The following PRORP variants were observed in gnomAD, a reference collection of about 807,000 sequenced individuals.
PRORP encodes protein only RNase P catalytic subunit, also known as mitochondrial ribonuclease P catalytic subunit.
Under a neutral mutation model 59.4 loss-of-function variants are expected in PRORP, and 51 were observed. That is an observed-to-expected ratio of 0.86 (90% CI 0.69 to 1.08). PRORP has a LOEUF of 1.08. PRORP is among the 50% of genes least tolerant of loss of function. PRORP has a pLI of 0.00. For synonymous variants in PRORP, 231 were observed against 245.6 expected (o/e 0.94, Z 0.55); for missense variants, 646 against 690.3 (o/e 0.94, Z 0.72).
intron 4 of PRORP, among the ~76,000 whole-genome samples, chr14:35,170,788 GAT>G (rs2048295172): frequency 6.6e-6 from 1 of 151,658 alleles, no homozygotes; most frequent in South Asian, 2.1e-4. Flanking sequence ...GTTTTCATCT[GAT>G]ATTATTTCCC....
At chr14:35,209,584 C>T (rs2139163329) in intron 5 of PRORP, among the ~76,000 whole-genome samples, 1 of 152,250 alleles carries the variant, frequency 6.6e-6, no homozygotes, top group African/African-American at 2.4e-5. Flanking sequence ...CAGGGTCTCG[C>T]TCTGTTGCCC....
At chr14:35,209,214 A>T (rs2415277) in intron 5 of PRORP, among the ~76,000 whole-genome samples, 123,399 of 151,652 alleles carry the variant, frequency 0.81, 50,227 homozygotes, top group Admixed American at 0.85. Context: ...TACCGTCTTT[A>T]TTATAGTAAC....
chr14:35,225,552 G>C (rs552043677), intron 5 of PRORP, among the ~76,000 whole-genome samples: 33 of 152,138 alleles, frequency 2.2e-4, no homozygotes, highest in African/African-American at 7.9e-4. Flanking sequence ...TCACCATGGT[G>C]ACCAGGCTGG....
chr14:35,255,116 A>G (rs2050716877), intron 5 of PRORP, among the ~76,000 whole-genome samples: 1 of 152,040 alleles, frequency 6.6e-6, no homozygotes, highest in Admixed American at 6.6e-5. Flanking sequence ...GGTTAGAGAT[A>G]ACTGTGTTTG....
intron 5 of PRORP, among the ~76,000 whole-genome samples, chr14:35,225,424 A>G (rs544727058): frequency 1.7e-3 from 261 of 151,558 alleles, no homozygotes; most frequent in Non-Finnish European, 2.5e-3. Context: ...TCGGCTCACT[A>G]CAACCTCTGC....
chr14:35,170,224 T>G (rs146606907), intron 4 of PRORP, among the ~76,000 whole-genome samples: 2 of 152,304 alleles, frequency 1.3e-5, no homozygotes, highest in African/African-American at 4.8e-5. Flanking sequence ...ATAGCATTTT[T>G]TATAAGGTTG....
At chr14:35,250,763 A>T (rs2050593579) in intron 5 of PRORP, among the ~76,000 whole-genome samples, 1 of 152,124 alleles carries the variant, frequency 6.6e-6, no homozygotes, top group South Asian at 2.1e-4. Flanking sequence ...AAAGAGGGAG[A>T]TATTGCCAGA....
At chr14:35,168,844 TTTCTTCTAG>T (rs2048246703) in intron 4 of PRORP, among the ~76,000 whole-genome samples, 1 of 152,162 alleles carries the variant, frequency 6.6e-6, no homozygotes, top group Non-Finnish European at 1.5e-5. Flanking sequence ...ATTTTCCTGT[TTTCTTCTAG>T]AATTTTCATA....
At chr14:35,266,200 C>T (rs1362779122) in intron 5 of PRORP, among the ~76,000 whole-genome samples, 3 of 151,920 alleles carry the variant, frequency 2.0e-5, no homozygotes, top group African/African-American at 7.2e-5. Flanking sequence ...GCCTGTAATC[C>T]CAGCTACTTG....
intron 4 of PRORP, chr14:35,158,962 G>A: frequency 2.9e-6 from 1 of 346,078 alleles, no homozygotes; most frequent in Non-Finnish European, 5.6e-6. Flanking sequence ...TGATTCTCTG[G>A]ATACTTGATT....
intron 5 of PRORP, among the ~76,000 whole-genome samples, chr14:35,224,513 A>C (rs2049882305): frequency 6.6e-6 from 1 of 152,192 alleles, no homozygotes; most frequent in Non-Finnish European, 1.5e-5. Flanking sequence ...CTAAGGTCTC[A>C]CAGCTAGTAA....
At chr14:35,129,272 C>G (rs537434782) in intron 4 of PRORP, among the ~76,000 whole-genome samples, 2 of 152,066 alleles carry the variant, frequency 1.3e-5, no homozygotes, top group South Asian at 2.1e-4. Flanking sequence ...GATATAGGCA[C>G]TTATAGCTGC....
chr14:35,206,106 G>A (rs182190331), intron 5 of PRORP, among the ~76,000 whole-genome samples: 60 of 152,318 alleles, frequency 3.9e-4, no homozygotes, highest in African/African-American at 1.3e-3. Flanking sequence ...TTGACTTGAA[G>A]TGCATTTTCA....
intron 5 of PRORP, 78 bp downstream of exon 5, chr14:35,180,855 T>C: frequency 1.1e-6 from 1 of 907,876 alleles, no homozygotes; most frequent in Non-Finnish European, 1.7e-6. Context: ...CTTGGGGCTC[T>C]TAGCTCCTCA....
At chr14:35,126,089 A>G (rs1175380863) in intron 2 of PRORP, among the ~76,000 whole-genome samples, 1 of 152,146 alleles carries the variant, frequency 6.6e-6, no homozygotes, top group African/African-American at 2.4e-5. Flanking sequence ...AGTAGATAGG[A>G]GAGGGATTAA....
intron 4 of PRORP, among the ~76,000 whole-genome samples, chr14:35,177,618 T>C (rs1314481122): frequency 6.6e-6 from 1 of 152,202 alleles, no homozygotes; most frequent in South Asian, 2.1e-4. Context: ...ATTGTGTCTA[T>C]TTGAGTCTTC....
chr14:35,220,311 A>C (rs1239788455), intron 5 of PRORP, among the ~76,000 whole-genome samples: 1 of 152,186 alleles, frequency 6.6e-6, no homozygotes, highest in East Asian at 1.9e-4. Context: ...AACAACTCTA[A>C]AGGTTAAAAA....
chr14:35,196,054 T>C (rs751882037), intron 5 of PRORP, among the ~76,000 whole-genome samples: 1 of 152,196 alleles, frequency 6.6e-6, no homozygotes, highest in Non-Finnish European at 1.5e-5. Flanking sequence ...TATCCCCCAA[T>C]AAATATCATC....
intron 5 of PRORP, among the ~76,000 whole-genome samples, chr14:35,214,618 A>G (rs1243106855): frequency 6.6e-6 from 1 of 152,096 alleles, no homozygotes; most frequent in African/African-American, 2.4e-5. Context: ...CCCCAAAACA[A>G]AGCTGGGGCC....
Sources: allele counts gnomAD v4.1 joint callset (sites outside exome capture counted in the v4.1 genomes callset), GRCh38; gene constraint gnomAD v4.1.1; transcripts MANE v1.5; gene names NCBI Gene and HGNC (gene_info 2026-07-23, HGNC 2026-07-21).